RFLNA: variants seen among roughly 807,000 people sequenced by gnomAD.
RFLNA encodes the protein refilin-A.
A neutral mutation model predicts 7.8 loss-of-function variants in RFLNA; 5 were observed. The observed-to-expected ratio is 0.64, with a 90% CI of 0.34 to 1.35. RFLNA has a LOEUF of 1.35. Ranked by LOEUF, RFLNA falls within the 40% of genes most tolerant of loss-of-function variation. The pLI is 0.04. For synonymous variants in RFLNA, 141 were observed against 131.3 expected, an observed-to-expected ratio of 1.07 and a Z score of -0.50; for missense variants, 278 against 305.5, an observed-to-expected ratio of 0.91 and a Z score of 0.67.
intron 2 of RFLNA, among the ~76,000 whole-genome samples, 195 bp downstream of exon 2, chr12:124,312,122 AAG>A (rs2034256374): frequency 6.6e-6 from 1 of 152,006 alleles, no homozygotes. Flanking sequence ...AACTGATTTT[AAG>A]AGACTCTGAC....
At chr12:124,294,623 C>A (rs572813193), upstream of RFLNA, among the ~76,000 whole-genome samples, 56 of 152,318 alleles carry the variant, frequency 3.7e-4, no homozygotes, top group African/African-American at 1.3e-3. Context: ...CAGGTTCCAC[C>A]CAATGCTTTC....
At chr12:124,300,731 C>CGGATGG (rs2034015383) in intron 1 of RFLNA, among the ~76,000 whole-genome samples, 1 of 115,570 alleles carries the variant, frequency 8.7e-6, no homozygotes, top group Non-Finnish European at 1.8e-5. Context: ...TGGATGGATG[C>CGGATGG]ATGGATGGAT....
chr12:124,291,710 G>GA (rs1290909510), upstream of RFLNA, among the ~76,000 whole-genome samples: 1 of 137,408 alleles, frequency 7.3e-6, no homozygotes, highest in Non-Finnish European at 1.5e-5. Flanking sequence ...GGCTCTCCGT[G>GA]AAAAAGCCTT....
Position 124,314,627 on chromosome 12 carries a change from G to A in RFLNA, c.*102G>A, listed in dbSNP as rs575192848. On this transcript the variant is annotated 3_prime_UTR_variant, in exon 3 of 3. Coordinates refer to ENST00000546355, the MANE Select transcript of RFLNA (RefSeq NM_001365156.1). ...TCGGCCTGGCACTCGGGCAGGAGGC[G>A]GGAAGGGAGGCTGCCAGACCAAGGA... The A allele has an allele frequency of 6.7e-4, 1,026 of 1,521,512 alleles. 11 individuals are homozygous for A. Among genetic ancestry groups the A allele is most frequent in the South Asian group, 6.7e-3 (554 of 83,014 alleles). 94.3% of individuals were successfully genotyped at this position (1,521,512 alleles called of 1,614,324 possible).
At chr12:124,313,670 C>A (rs1226461666) in intron 2 of RFLNA, among the ~76,000 whole-genome samples, 3 of 114,762 alleles carry the variant, frequency 2.6e-5, no homozygotes, top group East Asian at 2.3e-4. Flanking sequence ...CAGAGCGAGA[C>A]TCCGTCTCAA....
At chr12:124,296,678 G>A (rs1461696660) in intron 1 of RFLNA, among the ~76,000 whole-genome samples, 2 of 152,196 alleles carry the variant, frequency 1.3e-5, no homozygotes, top group East Asian at 3.9e-4. Context: ...TCAAGCCTCA[G>A]GATATGACCT....
At chr12:124,291,649 G>A (rs1361756911), upstream of RFLNA, among the ~76,000 whole-genome samples, 4 of 152,160 alleles carry the variant, frequency 2.6e-5, no homozygotes, top group African/African-American at 4.8e-5. Flanking sequence ...GGAATGCGCA[G>A]CCCTACTTCT....
At chr12:124,308,832 C>T (rs1251167971) in intron 1 of RFLNA, among the ~76,000 whole-genome samples, 5 of 152,234 alleles carry the variant, frequency 3.3e-5, no homozygotes, top group Non-Finnish European at 5.9e-5. Context: ...GGGGCCGGCC[C>T]GCCGGCTGGA....
At chr12:124,302,826 GGGGCCGAGGTCAGA>G (rs1223641988) in intron 1 of RFLNA, among the ~76,000 whole-genome samples, 7 of 55,184 alleles carry the variant, frequency 1.3e-4, no homozygotes, top group South Asian at 1.3e-3. Context: ...GCCGAGGTCA[GGGGCCGAGGTCAGA>G]GGGCCGAGGT....
At chr12:124,303,535 CCT>C (rs1566324716) in intron 1 of RFLNA, among the ~76,000 whole-genome samples, 1 of 152,184 alleles carries the variant, frequency 6.6e-6, no homozygotes, top group African/African-American at 2.4e-5. Flanking sequence ...CTGGGCCATC[CCT>C]GTTTTCCTAA....
chr12:124,289,295 C>A lies in RFLNA; in HGVS notation c.-112C>A, dbSNP rs1001034217. The A allele has an allele frequency of 2.0e-4, 30 of 152,132 alleles. No individual in the cohort carries two copies. Among genetic ancestry groups the A allele is most frequent in the African/African-American group, 7.0e-4 (29 of 41,410 alleles). The allele number at this position is 152,132 out of a possible 1,614,324, so 9.4% of individuals were successfully genotyped here. ...TTTTCAGCTAAAAGCTCCTTACAGC[C>A]GGAAGGTGTGAAGCGGCAAGTTTCC... On this transcript the variant is annotated 5_prime_UTR_variant, in exon 1 of 3. Coordinates refer to the RFLNA transcript ENST00000324038. This position sits in a 1 kb window ranked among gnomAD's most constrained non-coding sequence, Gnocchi z 5.0.
upstream of RFLNA, among the ~76,000 whole-genome samples, chr12:124,294,220 G>A (rs1367412167): frequency 6.6e-6 from 1 of 152,234 alleles, no homozygotes; most frequent in Non-Finnish European, 1.5e-5. Context: ...CTGAATGGAA[G>A]TGAGTGTGTC....
At position 124,306,131 on chromosome 12, in the gene RFLNA, G is replaced by A. The variant is rs2034133248; in HGVS notation, c.208-5687G>A. 6.6e-6 allele frequency among the ~76,000 whole-genome samples: 1 copy of A among 152,152 alleles called. No homozygotes were observed. The highest frequency in any genetic ancestry group is 1.5e-5 in the Non-Finnish European group (1 of 68,026). On this transcript the variant is annotated intron_variant, in intron 1 of 2. Transcript: ENST00000546355. This position sits in a 1 kb window ranked among gnomAD's most constrained non-coding sequence, Gnocchi z 5.2. ...GGTTGGGGCAGGGGCTGCTTTGCAGGTGTGGGGTCTCCCCTCCCCATAGTG... is the reference window on the plus strand; with the variant it reads ...GGTTGGGGCAGGGGCTGCTTTGCAGATGTGGGGTCTCCCCTCCCCATAGTG...
chr12:124,299,429 T>C (rs10773080), intron 1 of RFLNA, among the ~76,000 whole-genome samples: 30,301 of 152,186 alleles, frequency 0.2, 3,224 homozygotes, highest in East Asian at 0.33. Flanking sequence ...TTAGTGGCGA[T>C]TTGTGGGATT....
chr12:124,306,442 C>G lies in RFLNA; in HGVS notation c.208-5376C>G, dbSNP rs952651374. 8.5e-5 allele frequency among the ~76,000 whole-genome samples: 13 copies of G among 152,100 alleles called. No individual in the cohort carries two copies. The highest frequency in any genetic ancestry group is 3.4e-3 in the Middle Eastern group (1 of 294). ...GCCGAGACAGGAACAGGCAGAGGCC[C>G]GAGTGGGAATCCTTGAGCCTGTGTC... On this transcript the variant is annotated intron_variant, in intron 1 of 2. Transcript: ENST00000546355. The surrounding 1 kb of genome is among the most constrained non-coding windows in gnomAD (Gnocchi z 5.2).
intron 1 of RFLNA, among the ~76,000 whole-genome samples, chr12:124,302,719 T>A (rs1157997569): frequency 6.6e-6 from 1 of 151,612 alleles, no homozygotes; most frequent in East Asian, 1.9e-4. Context: ...CCAGTGTATA[T>A]CCCAGACGAT....
chr12:124,290,173 T>A (rs1406872141), upstream of RFLNA, among the ~76,000 whole-genome samples: 1 of 152,208 alleles, frequency 6.6e-6, no homozygotes, highest in East Asian at 1.9e-4. This position sits in a 1 kb window ranked among gnomAD's most constrained non-coding sequence, Gnocchi z 4.0. Context: ...GACACCGCAG[T>A]TCTCTCGTCT....
rs77570261 is a variant in RFLNA at position 124,314,270 on chromosome 12, G to A, written c.396G>A (p.Thr132=). 310 of 1,613,614 alleles carry A rather than the reference G, an allele frequency of 1.9e-4. 4 individuals are homozygous for A. In the East Asian group the frequency reaches 5.8e-3, roughly 30 times the overall value. ...KVFYAPVPTV[T]AYSETIVAAP... is the part of the protein sequence containing the mutation. ...TCTATGCGCCCGTACCCACCGTCAC[G>A]GCCTACAGCGAGACCATCGTGGCAG... Residue 132 remains threonine (T), a synonymous_variant, in exon 3 of 3, where the codon ACG becomes ACA. Coordinates refer to ENST00000546355, the MANE Select transcript of RFLNA (RefSeq NM_001365156.1).
chr12:124,305,045 T>C (rs1156845615), intron 1 of RFLNA, among the ~76,000 whole-genome samples: 1 of 152,258 alleles, frequency 6.6e-6, no homozygotes, highest in Non-Finnish European at 1.5e-5. Context: ...GGGGTCAGTG[T>C]TGACTGAACG....
Sources: gnomAD v4.1 joint callset for allele counts (sites outside exome capture counted in the v4.1 genomes callset) on GRCh38, gnomAD v4.1.1 for gene constraint, Gnocchi (gnomAD v3.1) non-coding constraint, MANE v1.5 for transcripts, NCBI Gene and HGNC (gene_info 2026-07-23, HGNC 2026-07-21) for gene names.